ATG14: variants seen among roughly 807,000 people sequenced by gnomAD.
The protein encoded by ATG14 is autophagy related 14, also known as beclin 1-associated autophagy-related key regulator.
In ATG14, 35 loss-of-function variants were observed where a neutral mutation model predicts 60.4. The observed-to-expected ratio is 0.58, with a 90% CI of 0.44 to 0.77. ATG14 has a LOEUF of 0.77. Among genes scored for constraint, ATG14 ranks in the 30% least tolerant of loss-of-function variants. The probability of loss-of-function intolerance (pLI) is 0.00; values close to 1 mark genes in which losing one functional copy is unlikely to be tolerated. For synonymous variants in ATG14, 234 were observed against 228.8 expected (o/e 1.02, Z -0.21); for missense variants, 647 against 626.3 (o/e 1.03, Z -0.35).
chr14:55,400,909 T>TAAAATAAAATA (rs573175318), intron 1 of ATG14, among the ~76,000 whole-genome samples: 12 of 143,358 alleles, frequency 8.4e-5, no homozygotes, highest in African/African-American at 2.6e-4. Context: ...CTCAAATAAA[T>TAAAATAAAATA]AAATAAAATA....
chr14:55,390,028 A>C (rs1885187580), intron 4 of ATG14, among the ~76,000 whole-genome samples: 1 of 151,634 alleles, frequency 6.6e-6, no homozygotes, highest in African/African-American at 2.4e-5. Context: ...CCAAGTTAAG[A>C]CTCTGAGCTT....
At chr14:55,371,197 A>C (rs1031335590) in intron 9 of ATG14, among the ~76,000 whole-genome samples, 18 of 152,192 alleles carry the variant, frequency 1.2e-4, no homozygotes, top group Admixed American at 3.3e-4. Context: ...GGTCGAAATA[A>C]ATAGCAGGCA....
Position 55,366,471 on chromosome 14 carries a change from G to A in ATG14, c.*3148C>T, listed in dbSNP as rs1336958286. 1.3e-5 allele frequency: 2 copies of A among 152,634 alleles called. No homozygotes were observed. The highest frequency in any genetic ancestry group is 4.8e-5 in the African/African-American group (2 of 41,450). 9.5% of individuals were successfully genotyped at this position (152,634 alleles called of 1,614,324 possible). On this transcript the variant is annotated 3_prime_UTR_variant, in exon 10 of 10. Coordinates refer to ENST00000247178, the MANE Select transcript of ATG14 (RefSeq NM_014924.5). ...GACTCAAACTGGTTTGGAAGTTGCA[G>A]AGCAATGGGGAATTCCTGCAACATG...
chr14:55,393,856 T>G (rs1885266250), intron 3 of ATG14, among the ~76,000 whole-genome samples: 1 of 152,066 alleles, frequency 6.6e-6, no homozygotes, highest in Admixed American at 6.5e-5. Flanking sequence ...AGCGCAGATT[T>G]TATAAGAGTA....
intron 6 of ATG14, among the ~76,000 whole-genome samples, chr14:55,381,420 A>G (rs192610317): frequency 6.6e-6 from 1 of 152,350 alleles, no homozygotes; most frequent in African/African-American, 2.4e-5. Context: ...CGGGTTAAAT[A>G]TACTTCTTTA....
chr14:55,411,733 C>A lies in ATG14; in HGVS notation c.90G>T (p.Val30=). Residue 30 remains valine (V), a synonymous_variant, in exon 1 of 10, where the codon GTG becomes GTT. Transcript: ENST00000247178. The part of the protein sequence containing the change: ...RPLARDLVDS[V]DDAEGLYVAV... The stretch of plus-strand genomic sequence containing the variant: ...CCACGTACAGCCCCTCCGCATCGTC[C>A]ACGGAGTCCACCAGGTCCCGGGCGA... The A allele has an allele frequency of 6.2e-7, 1 of 1,611,470 alleles. No homozygotes were observed. The highest frequency in any genetic ancestry group is 8.5e-7 in the Non-Finnish European group (1 of 1,179,174).
chr14:55,373,980 A>T (rs1884871374), intron 9 of ATG14, among the ~76,000 whole-genome samples: 1 of 152,126 alleles, frequency 6.6e-6, no homozygotes, highest in African/African-American at 2.4e-5. Context: ...CTGGCCATAA[A>T]CTTAGATGTG....
At chr14:55,400,994 G>A (rs916470301) in intron 1 of ATG14, among the ~76,000 whole-genome samples, 7 of 151,704 alleles carry the variant, frequency 4.6e-5, no homozygotes, top group African/African-American at 1.7e-4. Flanking sequence ...CAGCAAAATT[G>A]TGGGCAATCC....
intron 1 of ATG14, among the ~76,000 whole-genome samples, chr14:55,409,389 C>T (rs1387123189): frequency 6.6e-6 from 1 of 152,036 alleles, no homozygotes; most frequent in Non-Finnish European, 1.5e-5. Flanking sequence ...AAACTCTTGC[C>T]CTCATAGAGT....
chr14:55,387,097 A>G (rs767882777), intron 4 of ATG14, among the ~76,000 whole-genome samples: 1 of 151,932 alleles, frequency 6.6e-6, no homozygotes, highest in Non-Finnish European at 1.5e-5. Flanking sequence ...TATCTCCAAC[A>G]CGGCTCGACT....
intron 6 of ATG14, among the ~76,000 whole-genome samples, 185 bp from the exon 7 acceptor site, chr14:55,380,875 A>ATATATATTTTTTTT (rs377330757): frequency 3.5e-5 from 4 of 112,702 alleles, no homozygotes; most frequent in Admixed American, 1.8e-4. Flanking sequence ...ATATATATAT[A>ATATATATTTTTTTT]TTTTTTTTTT....
chr14:55,394,527 T>G (rs888118373), intron 3 of ATG14, among the ~76,000 whole-genome samples: 4 of 152,196 alleles, frequency 2.6e-5, no homozygotes, highest in African/African-American at 9.6e-5. Flanking sequence ...GATAAGCTGT[T>G]ACGCATGTCC....
Position 55,382,125 on chromosome 14 carries a change from A to C in ATG14, c.714T>G (p.Ala238=), listed in dbSNP as rs1349345595. The change falls in exon 6 of 10, where the codon GCT becomes GCG. Residue 238 remains alanine (A), a synonymous_variant. Coordinates refer to ENST00000247178, the MANE Select transcript of ATG14 (RefSeq NM_014924.5). The stretch of plus-strand genomic sequence containing the variant: ...AGAGGTAAGTTGTCCTCCGGGCTTC[A>C]GCAAGCTTGCTCACAGTGCTGGAGG... ...AMTSSTVSKL[A]EARRTTYLSG... 1 of 1,614,132 alleles carries C rather than the reference A, an allele frequency of 6.2e-7. No homozygotes were observed. The highest frequency in any genetic ancestry group is 2.2e-5 in the East Asian group (1 of 44,880).
At chr14:55,380,501 GAATA>G (rs1355923857) in intron 7 of ATG14, 68 bp downstream of exon 7, 36 of 993,612 alleles carry the variant, frequency 3.6e-5, no homozygotes, top group Non-Finnish European at 5.5e-5. Flanking sequence ...TGGTTTATTG[GAATA>G]AATAAAGACA....
At chr14:55,393,169 C>T (rs1389313190) in intron 3 of ATG14, among the ~76,000 whole-genome samples, 28 of 152,092 alleles carry the variant, frequency 1.8e-4, no homozygotes. Context: ...ATCACGAGGT[C>T]AGGAGATTGA....
intron 9 of ATG14, among the ~76,000 whole-genome samples, chr14:55,372,546 T>C (rs571631270): frequency 9.2e-5 from 14 of 151,638 alleles, no homozygotes; most frequent in African/African-American, 3.2e-4. Flanking sequence ...CCCTTCCTTC[T>C]TTCCCTTTCT....
At chr14:55,384,803 C>T (rs1885094965) in intron 5 of ATG14, among the ~76,000 whole-genome samples, 1 of 152,226 alleles carries the variant, frequency 6.6e-6, no homozygotes. Flanking sequence ...TTAGAGCAGC[C>T]TGGTGGCTTG....
intron 1 of ATG14, among the ~76,000 whole-genome samples, chr14:55,405,705 T>C (rs1178536811): frequency 6.6e-6 from 1 of 152,234 alleles, no homozygotes; most frequent in Non-Finnish European, 1.5e-5. Flanking sequence ...ACATAATCCA[T>C]ACAGTTCTGT....
chr14:55,397,741 C>T (rs1885335635), intron 1 of ATG14, among the ~76,000 whole-genome samples: 1 of 152,156 alleles, frequency 6.6e-6, no homozygotes, highest in African/African-American at 2.4e-5. Flanking sequence ...AATTTGAATT[C>T]AAGGAAATTG....
Sources: gnomAD v4.1 joint callset for allele counts (sites outside exome capture counted in the v4.1 genomes callset) on GRCh38, gnomAD v4.1.1 for gene constraint, MANE v1.5 for transcripts, NCBI Gene and HGNC (gene_info 2026-07-23, HGNC 2026-07-21) for gene names.